STK33: variants seen among roughly 807,000 people sequenced by gnomAD.
STK33 encodes serine/threonine kinase 33.
In STK33, 52 loss-of-function variants were observed where a neutral mutation model predicts 58.0. That is an observed-to-expected ratio of 0.90 (90% CI 0.72 to 1.13). STK33 has a LOEUF of 1.13. STK33 is among the 50% of genes most tolerant of loss of function. The pLI is 0.00. For synonymous variants in STK33, 215 were observed against 200.1 expected (o/e 1.07, Z -0.63); for missense variants, 630 against 604.2 (o/e 1.04, Z -0.45).
At chr11:8,342,282 T>C in the STK33 span, among the ~76,000 whole-genome samples, 1 of 152,244 alleles carries the variant, frequency 6.6e-6, no homozygotes, top group Non-Finnish European at 1.5e-5. Context: ...GGAAGAACTT[T>C]AGAACAAAGA....
At chr11:8,477,549 T>C (rs1949397707) in intron 2 of STK33, among the ~76,000 whole-genome samples, 1 of 152,184 alleles carries the variant, frequency 6.6e-6, no homozygotes, top group South Asian at 2.1e-4. Flanking sequence ...CTGAGTTCTT[T>C]CATGATAAAC....
intron 14 of STK33, among the ~76,000 whole-genome samples, chr11:8,422,316 C>T (rs1942040316): frequency 6.6e-6 from 1 of 151,992 alleles, no homozygotes; most frequent in African/African-American, 2.4e-5. Flanking sequence ...CTCAAGTTGG[C>T]CAAGATATAT....
chr11:8,443,607 A>T (rs1180790745), intron 11 of STK33, among the ~76,000 whole-genome samples: 1 of 152,180 alleles, frequency 6.6e-6, no homozygotes, highest in Non-Finnish European at 1.5e-5. Context: ...GGCAAAAAAA[A>T]AAAAGTCAAG....
At chr11:8,367,547 G>C in the STK33 span, among the ~76,000 whole-genome samples, 1 of 152,168 alleles carries the variant, frequency 6.6e-6, no homozygotes, top group Non-Finnish European at 1.5e-5. Context: ...GCTGGGTCTT[G>C]AAGAATGAGT....
At chr11:8,462,799 G>C (rs557351806) in intron 7 of STK33, among the ~76,000 whole-genome samples, 1 of 152,030 alleles carries the variant, frequency 6.6e-6, no homozygotes. Context: ...AATTCTAGAA[G>C]GGCTTTCTCC....
At chr11:8,491,231 G>A (rs925437709) in intron 1 of STK33, among the ~76,000 whole-genome samples, 2 of 152,170 alleles carry the variant, frequency 1.3e-5, no homozygotes, top group East Asian at 3.9e-4. Flanking sequence ...AGAATAAACA[G>A]TGTAGAAAAG....
intron 1 of STK33, among the ~76,000 whole-genome samples, chr11:8,506,458 G>C (rs923800494): frequency 6.6e-6 from 1 of 152,140 alleles, no homozygotes; most frequent in Non-Finnish European, 1.5e-5. Context: ...AAATCTAACA[G>C]CCTCCCTGGG....
At chr11:8,401,115 C>T (rs1357813294) in intron 15 of STK33, among the ~76,000 whole-genome samples, 8 of 152,272 alleles carry the variant, frequency 5.3e-5, no homozygotes, top group African/African-American at 1.9e-4. Context: ...TTGGAAAAAA[C>T]TGCTTTAAAG....
chr11:8,510,450 T>C lies in STK33; in HGVS notation c.-465-29836A>G, dbSNP rs184862918. On this transcript the variant is annotated intron_variant, in intron 1 of 15. Coordinates refer to ENST00000687296, the MANE Select transcript of STK33 (RefSeq NM_001352389.2). ...AGAATATTTTCTCCCACTCTGTGGG[T>C]TGTCTGTTTACTCTGTTGATTATTT... Among the ~76,000 whole-genome samples the C allele has an allele frequency of 1.2e-3, 190 of 152,314 alleles. 1 individual carries two copies. The highest frequency in any genetic ancestry group is 4.1e-3 in the African/African-American group (172 of 41,564).
rs74725959 is a variant in STK33 at position 8,533,589 on chromosome 11, A to G, written c.-465-52975T>C. 62 of 152,308 alleles carry G rather than the reference A, an allele frequency of 4.1e-4. 1 individual carries two copies. Among genetic ancestry groups the G allele is most frequent in the African/African-American group, 1.4e-3 (60 of 41,556 alleles). 9.4% of individuals were successfully genotyped at this position (152,308 alleles called of 1,614,324 possible). ...CGCACGAACAAAGCCTGGCACACAGAAAAAACACCATTAATATTTAAGAAA... is the reference window on the plus strand; with the variant it reads ...CGCACGAACAAAGCCTGGCACACAGGAAAAACACCATTAATATTTAAGAAA... On this transcript the variant is annotated intron_variant, in intron 1 of 15. Transcript: ENST00000687296.
rs555291178 is a variant in STK33, at chr11:8,415,665, T to A, written c.1147-1973A>T. On this transcript the variant is annotated intron_variant, in intron 14 of 15. Coordinates refer to ENST00000687296, the MANE Select transcript of STK33 (RefSeq NM_001352389.2). ...AAGCATAATCTAGCTTACCTTGATA[T>A]AGATACCAAAGCAAACATTTACATT... 2.0e-5 allele frequency among the ~76,000 whole-genome samples: 3 copies of A among 152,148 alleles called. No individual in the cohort carries two copies. The South Asian group carries it at 6.2e-4, about 32-fold the overall frequency.
chr11:8,590,016 G>C (rs2032343009), intron 1 of STK33, among the ~76,000 whole-genome samples: 1 of 152,200 alleles, frequency 6.6e-6, no homozygotes, highest in Admixed American at 6.5e-5. Flanking sequence ...AAGAATTCAA[G>C]TCTAAGAACC....
At chr11:8,458,932 AATTCAG>A (rs1947199638) in intron 8 of STK33, among the ~76,000 whole-genome samples, 1 of 152,208 alleles carries the variant, frequency 6.6e-6, no homozygotes, top group Non-Finnish European at 1.5e-5. Context: ...CCTATAGCGC[AATTCAG>A]ATTCACTGAA....
the STK33 span, among the ~76,000 whole-genome samples, chr11:8,348,528 C>G: frequency 1.4e-4 from 21 of 152,240 alleles, no homozygotes; most frequent in African/African-American, 5.1e-4. Context: ...CATCAGATAC[C>G]TCCCATGATA....
intron 12 of STK33, among the ~76,000 whole-genome samples, chr11:8,439,869 T>TTTTATA (rs1554930118): frequency 7.5e-5 from 8 of 107,274 alleles, no homozygotes; most frequent in African/African-American, 2.7e-4. Flanking sequence ...TATATTATAA[T>TTTTATA]TATATATATA....
At chr11:8,544,306 A>G (rs1464890151) in intron 1 of STK33, among the ~76,000 whole-genome samples, 4 of 96,134 alleles carry the variant, frequency 4.2e-5, no homozygotes, top group Non-Finnish European at 6.2e-5. Context: ...TTTTATATAT[A>G]TATATAAAAT....
intron 14 of STK33, among the ~76,000 whole-genome samples, chr11:8,428,929 C>A (rs1359844713): frequency 1.3e-5 from 2 of 151,472 alleles, no homozygotes; most frequent in Non-Finnish European, 2.9e-5. Context: ...AATTATAGAG[C>A]CTTAGAGTCC....
chr11:8,392,845 T>A, intron 15 of STK33, 135 bp from the exon 16 acceptor site: 2 of 742,248 alleles, frequency 2.7e-6, no homozygotes, highest in Non-Finnish European at 4.3e-6. Flanking sequence ...ACTAGTCATA[T>A]TGTAAAATTA....
chr11:8,428,902 C>G (rs1390878982), intron 14 of STK33, among the ~76,000 whole-genome samples: 1 of 151,638 alleles, frequency 6.6e-6, no homozygotes, highest in Non-Finnish European at 1.5e-5. Context: ...AAAAGTCATT[C>G]TTAAATAATT....
Sources: allele counts gnomAD v4.1 joint callset (sites outside exome capture counted in the v4.1 genomes callset), GRCh38; gene constraint gnomAD v4.1.1; transcripts MANE v1.5; gene names NCBI Gene and HGNC (gene_info 2026-07-23, HGNC 2026-07-21).